Variants in ARHGAP10 observed in about 807,000 individuals in gnomAD.
ARHGAP10 encodes rho GTPase-activating protein 10.
ARHGAP10 carries 87 observed loss-of-function variants against 108.6 expected under a neutral mutation model. The ratio of observed to expected loss-of-function variants is 0.80; its 90% CI spans 0.67 to 0.96. The LOEUF (loss-of-function observed/expected upper bound fraction) is 0.96, where lower values mean the gene tolerates loss of function less well. Among genes scored for constraint, ARHGAP10 ranks in the 40% least tolerant of loss-of-function variants. The pLI is 0.00. For synonymous variants in ARHGAP10, 347 were observed against 341.1 expected, an observed-to-expected ratio of 1.02 and a Z score of -0.19; for missense variants, 939 against 954.5, an observed-to-expected ratio of 0.98 and a Z score of 0.21.
At chr4:147,826,913 C>A (rs1377268957) in intron 3 of ARHGAP10, among the ~76,000 whole-genome samples, 1 of 152,178 alleles carries the variant, frequency 6.6e-6, no homozygotes, top group Admixed American at 6.5e-5. Flanking sequence ...AACAGTTGGT[C>A]TGTTTGAATC....
chr4:147,833,880 G>A (rs933184088), intron 3 of ARHGAP10, among the ~76,000 whole-genome samples: 11 of 152,116 alleles, frequency 7.2e-5, no homozygotes, highest in Non-Finnish European at 1.0e-4. Context: ...ATATGGTTTC[G>A]AAGCTGTGGC....
chr4:148,036,066 CTG>C (rs61692055), intron 19 of ARHGAP10, among the ~76,000 whole-genome samples: 6,798 of 142,460 alleles, frequency 0.048, 321 homozygotes, highest in African/African-American at 0.13. Context: ...GGAGCTGCCT[CTG>C]TGTGTGTGTG....
intron 3 of ARHGAP10, 42 bp downstream of exon 3, chr4:147,822,999 G>A: frequency 2.6e-6 from 4 of 1,568,438 alleles, no homozygotes; most frequent in Non-Finnish European, 3.5e-6. Context: ...AGCTTTCAAG[G>A]GGGAAAAAAA....
At chr4:147,783,273 AAC>A (rs1414829237) in intron 1 of ARHGAP10, among the ~76,000 whole-genome samples, 7 of 144,792 alleles carry the variant, frequency 4.8e-5, no homozygotes, top group South Asian at 4.5e-4. Flanking sequence ...TAATTTATAT[AAC>A]ACACATTAAA....
At chr4:147,817,393 T>G (rs1277871368) in intron 1 of ARHGAP10, among the ~76,000 whole-genome samples, 1 of 152,132 alleles carries the variant, frequency 6.6e-6, no homozygotes, top group African/African-American at 2.4e-5. Context: ...TTGTCTAATA[T>G]CTCATGGTCT....
Position 147,857,573 on chromosome 4 carries a change from CAA to C in ARHGAP10, c.407_408del (p.Lys136ArgfsTer7), listed in dbSNP as rs761413884. The stretch of plus-strand genomic sequence containing the variant: ...TGTAGGAAGAAAAAAAGAAGTTTGA[CAA>C]AGAGACAGAAAAGAATTATAGTCTA... ...AVKEEKKKFDKETEKNYSLID... is the reference protein window; with the variant it reads ...AVKEEKKKFDXETEKNYSLID... On this transcript the variant is annotated frameshift_variant, in exon 5 of 23. Coordinates refer to ENST00000336498, the MANE Select transcript of ARHGAP10 (RefSeq NM_024605.4). LOFTEE classifies it high-confidence loss of function. 4 of 1,474,208 alleles carry C rather than the reference CAA, an allele frequency of 2.7e-6. No individual in the cohort carries two copies. The highest frequency in any genetic ancestry group is 1.8e-6 in the Non-Finnish European group (2 of 1,113,520). The allele number at this position is 1,474,208 out of a possible 1,614,324, so 91.3% of individuals were successfully genotyped here.
chr4:147,942,416 T>G (rs1738195349), intron 14 of ARHGAP10, among the ~76,000 whole-genome samples: 1 of 152,228 alleles, frequency 6.6e-6, no homozygotes, highest in African/African-American at 2.4e-5. Context: ...GTTAAAGTGT[T>G]TTAAGTCTTA....
At chr4:147,837,650 T>TTTTTGTTTTTTTTTTTTG (rs1553955210) in intron 3 of ARHGAP10, among the ~76,000 whole-genome samples, 6 of 112,086 alleles carry the variant, frequency 5.4e-5, no homozygotes, top group South Asian at 3.6e-4. Context: ...ACTGTTTTTT[T>TTTTTGTTTTTTTTTTTTG]TTTTTTTTTT....
At chr4:148,007,448 G>T (rs192266104) in intron 18 of ARHGAP10, among the ~76,000 whole-genome samples, 2 of 152,312 alleles carry the variant, frequency 1.3e-5, no homozygotes, top group East Asian at 3.9e-4. Flanking sequence ...TGACAGGATT[G>T]CTCAGTAGCG....
intron 19 of ARHGAP10, among the ~76,000 whole-genome samples, chr4:148,027,444 T>G: frequency 6.6e-6 from 1 of 152,258 alleles, no homozygotes; most frequent in East Asian, 1.9e-4. Flanking sequence ...CACATTTTGT[T>G]GAGCATGTGT....
At chr4:148,054,225 G>A (rs1729266343) in intron 20 of ARHGAP10, among the ~76,000 whole-genome samples, 1 of 152,250 alleles carries the variant, frequency 6.6e-6, no homozygotes, top group African/African-American at 2.4e-5. Context: ...GTAAGTCACT[G>A]ATTTCAAACA....
At chr4:148,043,111 T>A (rs1262281197) in intron 19 of ARHGAP10, among the ~76,000 whole-genome samples, 1 of 152,114 alleles carries the variant, frequency 6.6e-6, no homozygotes, top group Non-Finnish European at 1.5e-5. Context: ...CAGTATATGA[T>A]GGCGAAATGC....
chr4:147,981,821 C>G (rs1560857687), intron 18 of ARHGAP10, among the ~76,000 whole-genome samples: 1 of 151,806 alleles, frequency 6.6e-6, no homozygotes, highest in East Asian at 1.9e-4. Flanking sequence ...CTTACTTGTC[C>G]TTTTTTTTAC....
intron 3 of ARHGAP10, among the ~76,000 whole-genome samples, chr4:147,831,455 T>C (rs1467319863): frequency 1.3e-5 from 2 of 152,240 alleles, no homozygotes; most frequent in Non-Finnish European, 2.9e-5. Flanking sequence ...CATCTTATTA[T>C]ATTTACAGTA....
At chr4:147,783,267 TTA>T (rs982823508) in intron 1 of ARHGAP10, among the ~76,000 whole-genome samples, 3 of 144,732 alleles carry the variant, frequency 2.1e-5, no homozygotes, top group Non-Finnish European at 3.0e-5. Context: ...ATTGTATAAT[TTA>T]TATAACACAC....
chr4:148,048,837 T>C (rs1217306162), intron 20 of ARHGAP10, among the ~76,000 whole-genome samples: 3 of 152,060 alleles, frequency 2.0e-5, no homozygotes, highest in South Asian at 2.1e-4. Context: ...ATAAATCAAA[T>C]GAGGAGTGAA....
At chr4:147,784,192 A>G (rs1345514997) in intron 1 of ARHGAP10, among the ~76,000 whole-genome samples, 7 of 94,468 alleles carry the variant, frequency 7.4e-5, no homozygotes, top group Non-Finnish European at 1.2e-4. Flanking sequence ...ATAACATTAA[A>G]TTGTGTATTA....
chr4:147,853,621 T>G (rs1481846755), intron 4 of ARHGAP10, among the ~76,000 whole-genome samples: 4 of 152,234 alleles, frequency 2.6e-5, no homozygotes, highest in African/African-American at 9.6e-5. Flanking sequence ...TATTGTGTGT[T>G]TTTTGCAAAA....
rs551660065 is a variant in ARHGAP10 at position 147,870,829 on chromosome 4, C to A, written c.702+4013C>A. On this transcript the variant is annotated intron_variant, in intron 7 of 22. Coordinates refer to ENST00000336498, the MANE Select transcript of ARHGAP10 (RefSeq NM_024605.4). ...CAAAATTTTAGGATTTGTAAAGAGTCCCTAGAAGATAACAAGAATGGGTAG... is the reference window on the plus strand; with the variant it reads ...CAAAATTTTAGGATTTGTAAAGAGTACCTAGAAGATAACAAGAATGGGTAG... Among the ~76,000 whole-genome samples, 9 of 152,082 alleles carry A rather than the reference C, an allele frequency of 5.9e-5. No individual in the cohort carries two copies. In the South Asian group the frequency reaches 1.9e-3, roughly 32 times the overall value.
Sources: allele counts gnomAD v4.1 joint callset (sites outside exome capture counted in the v4.1 genomes callset), GRCh38; gene constraint gnomAD v4.1.1; transcripts MANE v1.5; gene names NCBI Gene and HGNC (gene_info 2026-07-23, HGNC 2026-07-21).